Variants in SWT1 observed in about 807,000 individuals in gnomAD.
SWT1 encodes SWT1 RNA endoribonuclease homolog, also known as transcriptional protein SWT1.
Under a neutral mutation model 107.3 loss-of-function variants are expected in SWT1, and 33 were observed. The observed-to-expected ratio is 0.31, with a 90% CI of 0.23 to 0.41. The LOEUF (loss-of-function observed/expected upper bound fraction) is 0.41. Among genes scored for constraint, SWT1 ranks in the 10% least tolerant of loss-of-function variants. The probability of loss-of-function intolerance (pLI) is 1.00; values close to 1 mark genes in which losing one functional copy is unlikely to be tolerated. For synonymous variants in SWT1, 345 were observed against 348.3 expected, an observed-to-expected ratio of 0.99 and a Z score of 0.11; for missense variants, 898 against 1,028.9, an observed-to-expected ratio of 0.87 and a Z score of 1.74.
intron 10 of SWT1, among the ~76,000 whole-genome samples, chr1:185,191,204 AATAT>A (rs2102409297): frequency 6.6e-6 from 1 of 152,232 alleles, no homozygotes; most frequent in Admixed American, 6.5e-5. Context: ...AATAGTGCCT[AATAT>A]ATAGTAAGAT....
intron 10 of SWT1, among the ~76,000 whole-genome samples, chr1:185,191,074 A>T (rs886254438): frequency 3.3e-5 from 5 of 152,208 alleles, no homozygotes; most frequent in Non-Finnish European, 7.3e-5. Flanking sequence ...ATTTATCAGC[A>T]TTGTGACCCT....
chr1:185,209,827 T>G (rs1248808232), intron 13 of SWT1, among the ~76,000 whole-genome samples: 1 of 152,232 alleles, frequency 6.6e-6, no homozygotes, highest in African/African-American at 2.4e-5. Flanking sequence ...TTGAACTAAT[T>G]AACACTCCCA....
intron 16 of SWT1, among the ~76,000 whole-genome samples, chr1:185,266,377 T>A (rs1304125524): frequency 6.6e-6 from 1 of 152,244 alleles, no homozygotes. Flanking sequence ...GAATTAAATA[T>A]TAAACTGGAA....
chr1:185,236,238 A>G (rs1660865521), intron 16 of SWT1, among the ~76,000 whole-genome samples: 1 of 152,184 alleles, frequency 6.6e-6, no homozygotes, highest in Non-Finnish European at 1.5e-5. Flanking sequence ...CCACATAGCC[A>G]AGACAATCCT....
intron 16 of SWT1, among the ~76,000 whole-genome samples, chr1:185,243,398 C>T (rs1197147941): frequency 3.3e-5 from 5 of 152,174 alleles, no homozygotes; most frequent in Non-Finnish European, 4.4e-5. Flanking sequence ...GTGTGAGCCA[C>T]CACATCTGGC....
intron 10 of SWT1, 54 bp from the exon 11 acceptor site, chr1:185,202,600 G>A: frequency 6.7e-7 from 1 of 1,503,218 alleles, no homozygotes; most frequent in South Asian, 1.2e-5. Context: ...TTTGCCATGT[G>A]GTTTACCTTA....
chr1:185,175,094 C>T lies in SWT1; in HGVS notation c.947C>T (p.Ser316Phe), dbSNP rs1442324216. ...YDHQESNDSH[S>F]RENLTQSFEA... is the part of the protein sequence containing the mutation. ...CATCAAGAAAGTAATGATTCACATT[C>T]TAGGGAAAACCTAACCCAGGTAAGG... The change falls in exon 5 of 19, where the codon TCT becomes TTT. Residue 316 changes from serine (S) to phenylalanine (F), a missense_variant. By Grantham distance (155) the Ser-to-Phe change is radical (BLOSUM62 -2). This residue lies in a region of SWT1 where 382 missense variants were observed against 362.4 expected (regional missense o/e 1.05). Transcript: ENST00000367500. 1 of 1,556,278 alleles carries T rather than the reference C, an allele frequency of 6.4e-7. No individual in the cohort carries two copies. The highest frequency in any genetic ancestry group is 8.7e-7 in the Non-Finnish European group (1 of 1,153,964).
At chr1:185,221,791 T>G in intron 14 of SWT1, 58 bp from the exon 15 acceptor site, 1 of 1,288,570 alleles carries the variant, frequency 7.8e-7, no homozygotes, top group African/African-American at 1.5e-5. Context: ...TGCCACTCTC[T>G]TTTTCTCCTC....
At chr1:185,205,713 G>T (rs537292567) in intron 12 of SWT1, among the ~76,000 whole-genome samples, 2 of 152,124 alleles carry the variant, frequency 1.3e-5, no homozygotes, top group Non-Finnish European at 2.9e-5. Context: ...TATTCCAGCT[G>T]TTCTGTGAGA....
intron 17 of SWT1, among the ~76,000 whole-genome samples, chr1:185,274,517 A>G (rs1448051373): frequency 6.6e-6 from 1 of 151,974 alleles, no homozygotes; most frequent in East Asian, 1.9e-4. Context: ...ATCAGTTACT[A>G]CATTGGAGAT....
At chr1:185,235,700 C>T (rs1351965056) in intron 16 of SWT1, among the ~76,000 whole-genome samples, 3 of 152,112 alleles carry the variant, frequency 2.0e-5, no homozygotes, top group Non-Finnish European at 2.9e-5. Flanking sequence ...AAGTTCTGGC[C>T]AGGGCAATCA....
At chr1:185,216,896 G>T (rs1248109799) in intron 14 of SWT1, among the ~76,000 whole-genome samples, 1 of 151,102 alleles carries the variant, frequency 6.6e-6, no homozygotes, top group South Asian at 2.1e-4. Context: ...AGGTTGCAGT[G>T]AGCTGAGATC....
chr1:185,184,379 CT>C, intron 8 of SWT1, 35 bp downstream of exon 8: 1 of 1,254,180 alleles, frequency 8.0e-7, no homozygotes, highest in Non-Finnish European at 1.1e-6. Context: ...TTCTGATTTT[CT>C]TCCTTGAGTT....
chr1:185,239,320 C>T lies in SWT1; in HGVS notation c.2441+7612C>T, dbSNP rs1661103767. Among the ~76,000 whole-genome samples, 4 of 152,034 alleles carry T rather than the reference C, an allele frequency of 2.6e-5. No homozygotes were observed. In the South Asian group the frequency reaches 8.3e-4, roughly 32 times the overall value. ...TGAAAATACTTTCTAACTATGTTTA[C>T]ATGCGCTAATCTTGCTTTTTCCTTA... On this transcript the variant is annotated intron_variant, in intron 16 of 18. Coordinates refer to ENST00000367500, the MANE Select transcript of SWT1 (RefSeq NM_017673.7).
intron 15 of SWT1, among the ~76,000 whole-genome samples, chr1:185,228,168 T>C (rs939080776): frequency 6.3e-5 from 4 of 63,224 alleles, no homozygotes; most frequent in East Asian, 3.6e-4. Flanking sequence ...AAAAAAAATG[T>C]GTATATATAT....
intron 15 of SWT1, among the ~76,000 whole-genome samples, chr1:185,224,834 A>C (rs1659929656): frequency 6.6e-6 from 1 of 152,032 alleles, no homozygotes; most frequent in Non-Finnish European, 1.5e-5. Context: ...TATTGAATTC[A>C]TTTATTATCT....
At position 185,157,208 on chromosome 1, in the gene SWT1, G is replaced by C. The variant is rs1653652713; in HGVS notation, c.-116G>C. On this transcript the variant is annotated 5_prime_UTR_variant, in exon 1 of 19. Transcript: ENST00000367500. ...TGCGGGCGCAGAACTACGTTTCCCA[G>C]CAGGCATACAGTTGGTGGGGCGGGG... 6.3e-6 allele frequency: 1 copy of C among 158,338 alleles called. No homozygotes were observed. Among genetic ancestry groups the C allele is most frequent in the South Asian group, 1.5e-4 (1 of 6,470 alleles). 9.8% of individuals were successfully genotyped at this position (158,338 alleles called of 1,614,324 possible).
intron 15 of SWT1, among the ~76,000 whole-genome samples, chr1:185,224,210 G>A (rs892594716): frequency 6.6e-6 from 1 of 152,022 alleles, no homozygotes; most frequent in Non-Finnish European, 1.5e-5. Context: ...CCCAATGTGT[G>A]TTCTTGGTAC....
chr1:185,273,043 A>AG (rs968804742), intron 17 of SWT1, among the ~76,000 whole-genome samples: 1 of 150,966 alleles, frequency 6.6e-6, no homozygotes, highest in Non-Finnish European at 1.5e-5. Context: ...AAAAAAAAAA[A>AG]GGGGGAGGGG....
Sources: allele counts gnomAD v4.1 joint callset (sites outside exome capture counted in the v4.1 genomes callset), GRCh38; gene constraint gnomAD v4.1.1; regional missense constraint gnomAD v4.1.1; transcripts MANE v1.5; gene names NCBI Gene and HGNC (gene_info 2026-07-23, HGNC 2026-07-21).